The following AGBL4 variants were observed in gnomAD, a reference collection of about 807,000 sequenced individuals.
AGBL4 encodes the protein AGBL carboxypeptidase 4.
A neutral mutation model predicts 66.4 loss-of-function variants in AGBL4; 58 were observed. The observed-to-expected ratio is 0.87, with a 90% confidence interval of 0.71 to 1.09. The LOEUF is 1.09. AGBL4 is among the 50% of genes least tolerant of loss of function. The probability of loss-of-function intolerance (pLI) is 0.00; values close to 1 mark genes in which losing one functional copy is unlikely to be tolerated. For synonymous variants in AGBL4, 234 were observed against 222.9 expected (o/e 1.05, Z -0.44); for missense variants, 579 against 631.0 (o/e 0.92, Z 0.88).
intron 6 of AGBL4, among the ~76,000 whole-genome samples, chr1:48,670,109 T>A (rs1226132468): frequency 6.6e-6 from 1 of 152,188 alleles, no homozygotes; most frequent in Non-Finnish European, 1.5e-5. Context: ...TTCTGGAATA[T>A]CAGGCGCTGG....
chr1:49,916,376 G>C (rs897913238), intron 1 of AGBL4, among the ~76,000 whole-genome samples: 31 of 152,310 alleles, frequency 2.0e-4, no homozygotes, highest in South Asian at 2.1e-4. Flanking sequence ...AACCAGTGTA[G>C]AGAAGTCCTT....
intron 5 of AGBL4, among the ~76,000 whole-genome samples, chr1:48,895,674 G>T (rs1182389452): frequency 6.6e-6 from 1 of 152,086 alleles, no homozygotes; most frequent in Non-Finnish European, 1.5e-5. Context: ...TCCCTACCTT[G>T]TTCCCTTCAT....
At chr1:49,738,077 C>A (rs555469308) in intron 2 of AGBL4, among the ~76,000 whole-genome samples, 1 of 152,124 alleles carries the variant, frequency 6.6e-6, no homozygotes, top group Non-Finnish European at 1.5e-5. Flanking sequence ...GTGGGTGCAG[C>A]GCACCAAGTA....
Position 48,555,024 on chromosome 1 carries a change from C to A in AGBL4, c.1268-15286G>T, listed in dbSNP as rs145578293. On this transcript the variant is annotated intron_variant, in intron 11 of 13. Transcript: ENST00000371839. ...GAAATCAGTCCCTGTTCTTGAGCAG[C>A]CTTTAGAGAAGACATGTAAATAAAA... Among the ~76,000 whole-genome samples the A allele has an allele frequency of 9.9e-5, 15 of 152,192 alleles. No individual in the cohort carries two copies. In the South Asian group the frequency reaches 2.5e-3, roughly 25 times the overall value.
At chr1:49,763,671 A>C (rs899909296) in intron 2 of AGBL4, among the ~76,000 whole-genome samples, 1 of 152,162 alleles carries the variant, frequency 6.6e-6, no homozygotes, top group East Asian at 1.9e-4. Flanking sequence ...TTCTGCAATG[A>C]ATCTTTGCAA....
At chr1:49,148,417 T>C (rs1028549845) in intron 4 of AGBL4, among the ~76,000 whole-genome samples, 1 of 152,226 alleles carries the variant, frequency 6.6e-6, no homozygotes, top group East Asian at 1.9e-4. Flanking sequence ...TACCTACCTA[T>C]TGTGGGTATA....
At chr1:49,692,425 A>C (rs1646906227) in intron 3 of AGBL4, among the ~76,000 whole-genome samples, 1 of 152,172 alleles carries the variant, frequency 6.6e-6, no homozygotes, top group Non-Finnish European at 1.5e-5. Flanking sequence ...GAGACTAAAG[A>C]AGCAGCAAAC....
Position 48,856,488 on chromosome 1 carries a change from C to T in AGBL4, c.634+10703G>A, listed in dbSNP as rs375850485. 5.2e-4 allele frequency among the ~76,000 whole-genome samples: 79 copies of T among 152,216 alleles called. 1 individual carries two copies. In the South Asian group the frequency reaches 9.8e-3, roughly 19 times the overall value. On this transcript the variant is annotated intron_variant, in intron 6 of 13. Transcript: ENST00000371839. ...GTATGCAGTTTTTGAAACAGCCCCT[C>T]GGCTGTTAGACCACTATACTGCTAG...
intron 5 of AGBL4, among the ~76,000 whole-genome samples, chr1:48,916,717 G>A (rs1653613115): frequency 6.6e-6 from 1 of 152,174 alleles, no homozygotes. Flanking sequence ...GTCATGTTCT[G>A]TAACCTCCAC....
intron 7 of AGBL4, among the ~76,000 whole-genome samples, chr1:48,658,692 G>GTGA (rs1284998724): frequency 2.0e-4 from 21 of 103,806 alleles, no homozygotes; most frequent in Non-Finnish European, 3.8e-4. Flanking sequence ...GTTTGGGATA[G>GTGA]CGAGAAGAGG....
intron 5 of AGBL4, among the ~76,000 whole-genome samples, chr1:49,043,545 C>A (rs1313265934): frequency 6.6e-6 from 1 of 152,164 alleles, no homozygotes; most frequent in Non-Finnish European, 1.5e-5. Flanking sequence ...TTTGTCATTG[C>A]ATACATTGCC....
chr1:49,628,397 G>T (rs1558114876), intron 3 of AGBL4, among the ~76,000 whole-genome samples: 1 of 152,136 alleles, frequency 6.6e-6, no homozygotes, highest in Non-Finnish European at 1.5e-5. Context: ...TATATGTATG[G>T]AATGGAATGT....
chr1:49,978,166 T>C (rs1320405744), intron 1 of AGBL4, among the ~76,000 whole-genome samples: 1 of 152,214 alleles, frequency 6.6e-6, no homozygotes, highest in Non-Finnish European at 1.5e-5. Context: ...ATACAAATAA[T>C]TGGTCAGATG....
At chr1:49,170,173 A>ATAAATTTATATTCATATAAATATG (rs1646708699) in intron 4 of AGBL4, among the ~76,000 whole-genome samples, 1 of 144,208 alleles carries the variant, frequency 6.9e-6, no homozygotes, top group African/African-American at 2.5e-5. Flanking sequence ...ATATAAATAT[A>ATAAATTTATATTCATATAAATATG]TTATAAATTT....
chr1:49,508,174 G>T (rs981702753), intron 3 of AGBL4, among the ~76,000 whole-genome samples: 4 of 151,896 alleles, frequency 2.6e-5, no homozygotes, highest in African/African-American at 9.7e-5. Context: ...AGACTGTAAA[G>T]TTAAGTTAGA....
intron 2 of AGBL4, among the ~76,000 whole-genome samples, chr1:49,712,972 G>A (rs535812054): frequency 6.6e-5 from 10 of 151,988 alleles, no homozygotes; most frequent in Non-Finnish European, 8.8e-5. Context: ...TTAACTATTA[G>A]TAGTAGCATA....
intron 2 of AGBL4, among the ~76,000 whole-genome samples, chr1:49,803,364 C>T (rs920653216): frequency 2.0e-4 from 30 of 152,134 alleles, no homozygotes; most frequent in Admixed American, 2.0e-3. Context: ...GAATTTTGCT[C>T]TCTCTACTTT....
chr1:49,727,210 G>A (rs983271761), intron 2 of AGBL4, among the ~76,000 whole-genome samples: 16 of 152,160 alleles, frequency 1.1e-4, no homozygotes, highest in Admixed American at 7.2e-4. Context: ...GCTACAGGAA[G>A]AAAACAATGT....
chr1:49,558,756 T>C (rs1432106989), intron 3 of AGBL4, among the ~76,000 whole-genome samples: 2 of 152,096 alleles, frequency 1.3e-5, no homozygotes, highest in Non-Finnish European at 2.9e-5. Context: ...CACCACAAAC[T>C]GACTTAAGAG....
Sources: allele counts gnomAD v4.1 joint callset (sites outside exome capture counted in the v4.1 genomes callset), GRCh38; gene constraint gnomAD v4.1.1; transcripts MANE v1.5; gene names NCBI Gene and HGNC (gene_info 2026-07-23, HGNC 2026-07-21).